The following POC1B variants were observed in gnomAD, a reference collection of about 807,000 sequenced individuals.
POC1B encodes the protein POC1 centriolar protein B.
A neutral mutation model predicts 60.6 loss-of-function variants in POC1B; 44 were observed. The observed-to-expected ratio is 0.73, with a 90% confidence interval of 0.57 to 0.93. The LOEUF (loss-of-function observed/expected upper bound fraction) is 0.93, where lower values mean the gene tolerates loss of function less well. Among genes scored for constraint, POC1B ranks in the 40% least tolerant of loss-of-function variants. The probability of loss-of-function intolerance (pLI) is 0.00; values close to 1 mark genes in which losing one functional copy is unlikely to be tolerated. For synonymous variants in POC1B, 180 were observed against 198.9 expected, an observed-to-expected ratio of 0.90 and a Z score of 0.80; for missense variants, 555 against 572.3, an observed-to-expected ratio of 0.97 and a Z score of 0.31.
At chr12:89,467,466 T>A (rs907772853) in intron 8 of POC1B, 151 bp downstream of exon 8, 1 of 602,428 alleles carries the variant, frequency 1.7e-6, no homozygotes, top group East Asian at 2.9e-5. Context: ...GTTTCAGCTA[T>A]GAGATAGCAG....
intron 10 of POC1B, among the ~76,000 whole-genome samples, chr12:89,443,748 AAGATC>A (rs1269320721): frequency 1.3e-5 from 2 of 152,010 alleles, no homozygotes; most frequent in Non-Finnish European, 2.9e-5. Flanking sequence ...AGAAATAACT[AAGATC>A]AGAGCAGAAC....
chr12:89,463,725 A>G (rs917744901), intron 9 of POC1B, among the ~76,000 whole-genome samples: 3 of 152,182 alleles, frequency 2.0e-5, no homozygotes, highest in Non-Finnish European at 4.4e-5. Flanking sequence ...TTTCACATAG[A>G]GAGAATTTGA....
chr12:89,519,794 G>A (rs559429630), intron 2 of POC1B: 1 of 92,910 alleles, frequency 1.1e-5, no homozygotes, highest in East Asian at 3.4e-4. Context: ...GGATCCTCCT[G>A]GTGACTAGAT....
chr12:89,506,850 T>G (rs1869923111), intron 2 of POC1B, among the ~76,000 whole-genome samples: 1 of 152,082 alleles, frequency 6.6e-6, no homozygotes, highest in African/African-American at 2.4e-5. Flanking sequence ...ACTCACTCAT[T>G]TCCTGCATCA....
the POC1B span, among the ~76,000 whole-genome samples, chr12:89,406,112 C>A: frequency 2.6e-5 from 4 of 152,002 alleles, no homozygotes; most frequent in South Asian, 2.1e-4. Flanking sequence ...GACTTCCCCC[C>A]ACATCTCATT....
At chr12:89,499,391 G>C (rs1016659034) in intron 2 of POC1B, among the ~76,000 whole-genome samples, 4 of 152,116 alleles carry the variant, frequency 2.6e-5, no homozygotes, top group Non-Finnish European at 5.9e-5. Context: ...AAAAACTATT[G>C]AGAACAATGC....
intron 4 of POC1B, among the ~76,000 whole-genome samples, chr12:89,484,228 G>A (rs887619544): frequency 6.6e-6 from 1 of 152,162 alleles, no homozygotes; most frequent in Non-Finnish European, 1.5e-5. Flanking sequence ...ATAAACATGT[G>A]GGACAAATGG....
chr12:89,498,955 T>G (rs74758064), intron 2 of POC1B, among the ~76,000 whole-genome samples: 1,813 of 152,186 alleles, frequency 0.012, 36 homozygotes, highest in African/African-American at 0.042. Context: ...GGTGGGGTGA[T>G]TGGGTGGTCC....
Position 89,470,408 on chromosome 12 carries a change from G to A in POC1B, c.763C>T (p.Leu255=), listed in dbSNP as rs139126412. 121 of 1,601,184 alleles carry A rather than the reference G, an allele frequency of 7.6e-5. No homozygotes were observed. The highest frequency in any genetic ancestry group is 9.6e-5 in the Non-Finnish European group (112 of 1,170,542). ...TASSDGTLKI[L]DLLEGRLIYT... is the part of the protein sequence containing the mutation. ...ATGAGCCTTCCTTCTAAGAGGTCCA[G>A]AATCTTAAGGGTACCATCTGAAGAA... The change falls in exon 7 of 12, where the codon CTG becomes TTG. Residue 255 remains leucine (L), a synonymous_variant. Transcript: ENST00000313546.
At chr12:89,482,919 G>A (rs1274389477) in intron 4 of POC1B, among the ~76,000 whole-genome samples, 1 of 151,144 alleles carries the variant, frequency 6.6e-6, no homozygotes, top group Non-Finnish European at 1.5e-5. Flanking sequence ...TTACCCTAAC[G>A]CTATTCTTTT....
intron 4 of POC1B, among the ~76,000 whole-genome samples, chr12:89,476,755 T>TAGACAGACAGACAGACAGACAGACAGAC (rs780678611): frequency 1.5e-5 from 1 of 68,020 alleles, no homozygotes; most frequent in Non-Finnish European, 3.4e-5. Context: ...GATAGATAGA[T>TAGACAGACAGACAGACAGACAGACAGAC]AGATAGACAG....
chr12:89,407,010 T>C, the POC1B span, among the ~76,000 whole-genome samples: 2 of 150,970 alleles, frequency 1.3e-5, no homozygotes, highest in Non-Finnish European at 3.0e-5. Flanking sequence ...TAGCCGGGCG[T>C]GATGGAGGGC....
intron 4 of POC1B, among the ~76,000 whole-genome samples, chr12:89,485,801 A>C (rs1435787482): frequency 6.6e-6 from 1 of 152,260 alleles, no homozygotes; most frequent in Non-Finnish European, 1.5e-5. Flanking sequence ...CTTTAGAGAT[A>C]AACCTAAGCC....
At chr12:89,416,329 T>C (rs1343644519), downstream of POC1B, among the ~76,000 whole-genome samples, 2 of 152,086 alleles carry the variant, frequency 1.3e-5, no homozygotes, top group Non-Finnish European at 2.9e-5. Flanking sequence ...AGAAGAGTTA[T>C]GTAGGGTGAC....
At chr12:89,431,730 C>T (rs957684040) in intron 10 of POC1B, among the ~76,000 whole-genome samples, 4 of 152,204 alleles carry the variant, frequency 2.6e-5, no homozygotes, top group Non-Finnish European at 4.4e-5. Flanking sequence ...GCCAGAGATA[C>T]AGGACTGTGT....
intron 10 of POC1B, among the ~76,000 whole-genome samples, chr12:89,456,831 C>A (rs1882281090): frequency 6.6e-6 from 1 of 152,034 alleles, no homozygotes. Context: ...GCACAGATAT[C>A]AGTACACTTC....
At chr12:89,522,960 A>G in intron 2 of POC1B, 1 of 1,614,050 alleles carries the variant, frequency 6.2e-7, no homozygotes. Flanking sequence ...TAAAATGCCA[A>G]ATAATGTTTG....
chr12:89,472,065 G>A (rs1452192667), intron 5 of POC1B, 103 bp downstream of exon 5: 1 of 837,450 alleles, frequency 1.2e-6, no homozygotes, highest in East Asian at 2.6e-5. Context: ...ACTGCACCCG[G>A]CCATATTTCA....
chr12:89,443,517 G>T (rs1179436954), intron 10 of POC1B, among the ~76,000 whole-genome samples: 1 of 151,660 alleles, frequency 6.6e-6, no homozygotes, highest in Non-Finnish European at 1.5e-5. Flanking sequence ...GGTACATAAC[G>T]AAATGAAGGC....
Sources: gnomAD v4.1 joint callset for allele counts (sites outside exome capture counted in the v4.1 genomes callset) on GRCh38, gnomAD v4.1.1 for gene constraint, MANE v1.5 for transcripts, NCBI Gene and HGNC (gene_info 2026-07-23, HGNC 2026-07-21) for gene names.